Variants in DSCAM observed in about 807,000 individuals in gnomAD.
The protein encoded by DSCAM is cell adhesion molecule DSCAM.
DSCAM carries 47 observed loss-of-function variants against 217.7 expected under a neutral mutation model. The observed-to-expected ratio is 0.22, with a 90% CI of 0.17 to 0.28. The LOEUF is 0.28. Ranked by LOEUF, DSCAM falls within the 10% of genes least tolerant of loss-of-function variation. The probability of loss-of-function intolerance (pLI) is 1.00; values close to 1 mark genes in which losing one functional copy is unlikely to be tolerated. For missense variants in DSCAM, 2,080 were observed against 2,618.3 expected (o/e 0.79, Z 4.49); for synonymous variants, 1,056 against 1,015.3 (o/e 1.04, Z -0.76).
At chr21:40,690,175 T>C (rs1024348089) in intron 3 of DSCAM, among the ~76,000 whole-genome samples, 1 of 152,330 alleles carries the variant, frequency 6.6e-6, no homozygotes, top group Non-Finnish European at 1.5e-5. Context: ...TCACCTCCAG[T>C]GACTTCATGA....
intron 15 of DSCAM, among the ~76,000 whole-genome samples, chr21:40,171,770 T>C (rs563593130): frequency 2.6e-5 from 4 of 152,290 alleles, no homozygotes; most frequent in African/African-American, 9.6e-5. Context: ...TTCCCTTCTT[T>C]AAGAATTTTA....
chr21:40,256,436 GAGACAC>G (rs1380023991), intron 11 of DSCAM, among the ~76,000 whole-genome samples: 11 of 150,304 alleles, frequency 7.3e-5, no homozygotes, highest in East Asian at 3.9e-4. Flanking sequence ...GAGAGAGAGA[GAGACAC>G]ACACAGACAG....
At chr21:40,699,861 G>A (rs1165938675) in intron 2 of DSCAM, among the ~76,000 whole-genome samples, 1 of 152,188 alleles carries the variant, frequency 6.6e-6, no homozygotes, top group African/African-American at 2.4e-5. Flanking sequence ...ACTGCAGCAG[G>A]TTATCTAGAA....
chr21:40,427,783 G>T (rs2075489571), intron 3 of DSCAM, among the ~76,000 whole-genome samples: 1 of 152,234 alleles, frequency 6.6e-6, no homozygotes. Context: ...ACGGCTGCCT[G>T]CCGCATGTGG....
intron 1 of DSCAM, among the ~76,000 whole-genome samples, chr21:40,808,724 C>A (rs1428221936): frequency 6.6e-6 from 1 of 152,134 alleles, no homozygotes; most frequent in Non-Finnish European, 1.5e-5. Context: ...ATCCTCCCAC[C>A]TTGCCCTCCT....
At position 40,563,810 on chromosome 21, in the gene DSCAM, GTATA is replaced by G. The variant is rs1010050332; in HGVS notation, c.508+128996_508+128999del. ...TATATGTTTATATATAGTTATATGT[GTATA>G]TATAGTTATATGTTTATATATGTTT... On this transcript the variant is annotated intron_variant, in intron 3 of 32. Coordinates refer to ENST00000400454, the MANE Select transcript of DSCAM (RefSeq NM_001389.5). 2.0e-3 allele frequency among the ~76,000 whole-genome samples: 288 copies of G among 147,002 alleles called. 2 individuals are homozygous for G. Among genetic ancestry groups the G allele is most frequent in the African/African-American group, 6.8e-3 (269 of 39,746 alleles).
intron 2 of DSCAM, among the ~76,000 whole-genome samples, chr21:40,701,144 A>T (rs2090652421): frequency 6.6e-6 from 1 of 152,242 alleles, no homozygotes; most frequent in Non-Finnish European, 1.5e-5. Flanking sequence ...AAATTCTTTA[A>T]TAGATATAGG....
chr21:40,649,867 C>A (rs933690944), intron 3 of DSCAM, among the ~76,000 whole-genome samples: 2 of 152,184 alleles, frequency 1.3e-5, no homozygotes, highest in Non-Finnish European at 2.9e-5. Flanking sequence ...GTCAGCAGTG[C>A]CTTCTGCAAG....
At chr21:40,354,048 T>C (rs2074663921) in intron 4 of DSCAM, among the ~76,000 whole-genome samples, 1 of 152,204 alleles carries the variant, frequency 6.6e-6, no homozygotes, top group Non-Finnish European at 1.5e-5. Context: ...AATCAGATTG[T>C]CTTTTCATAA....
chr21:40,753,157 A>G (rs9977662), intron 1 of DSCAM, among the ~76,000 whole-genome samples: 122,453 of 152,116 alleles, frequency 0.8, 49,668 homozygotes, highest in African/African-American at 0.9. Context: ...TGAACATACT[A>G]TTTTATTTAT....
intron 11 of DSCAM, among the ~76,000 whole-genome samples, chr21:40,249,582 G>A (rs947583078): frequency 3.9e-5 from 6 of 152,120 alleles, no homozygotes; most frequent in African/African-American, 1.4e-4. Context: ...CAAATCATGG[G>A]AATTGTGAAG....
chr21:40,539,510 G>GAA (rs149520472), intron 3 of DSCAM, among the ~76,000 whole-genome samples: 5 of 143,972 alleles, frequency 3.5e-5, no homozygotes, highest in African/African-American at 1.3e-4. Context: ...AAAAGAAAAA[G>GAA]AAAAAAAAAA....
chr21:40,326,119 C>T (rs915780261), intron 8 of DSCAM, among the ~76,000 whole-genome samples: 5 of 151,864 alleles, frequency 3.3e-5, no homozygotes, highest in African/African-American at 7.3e-5. Context: ...CAGGGACAAA[C>T]GATACCAGAA....
chr21:40,238,258 T>C (rs1290037033), intron 11 of DSCAM, among the ~76,000 whole-genome samples: 3 of 152,200 alleles, frequency 2.0e-5, no homozygotes, highest in Non-Finnish European at 2.9e-5. Context: ...CATTCTTAGT[T>C]AGCTCTCTCA....
chr21:40,163,114 C>T (rs1362661367), intron 16 of DSCAM, among the ~76,000 whole-genome samples: 4 of 150,834 alleles, frequency 2.7e-5, no homozygotes, highest in Admixed American at 2.6e-4. Flanking sequence ...CACAAGCATG[C>T]ACACAAGTAG....
chr21:40,639,682 T>C (rs1055358101), intron 3 of DSCAM, among the ~76,000 whole-genome samples: 1 of 117,464 alleles, frequency 8.5e-6, no homozygotes, highest in Non-Finnish European at 1.9e-5. Context: ...TATGTGTATG[T>C]GTGTGCATGT....
At position 40,611,057 on chromosome 21, in the gene DSCAM, A is replaced by ATTTTTTTT. The variant is rs527262141; in HGVS notation, c.508+81745_508+81752dup. Among the ~76,000 whole-genome samples, 595 of 129,702 alleles carry ATTTTTTTT rather than the reference A, an allele frequency of 4.6e-3. 4 individuals are homozygous for ATTTTTTTT. The highest frequency in any genetic ancestry group is 0.014 in the African/African-American group (479 of 35,168). The allele number at this position is 129,702 out of a possible 152,430, so 85.1% of individuals were successfully genotyped here. On this transcript the variant is annotated intron_variant, in intron 3 of 32. Coordinates refer to ENST00000400454, the MANE Select transcript of DSCAM (RefSeq NM_001389.5). ...AAGAAACAGGTGAAATTAGTTTTCA[A>ATTTTTTTT]TTTTTTTTTTTTTTTTTTTGGGATG...
At chr21:40,101,030 C>T (rs1320403540) in intron 20 of DSCAM, among the ~76,000 whole-genome samples, 1 of 152,212 alleles carries the variant, frequency 6.6e-6, no homozygotes, top group Non-Finnish European at 1.5e-5. Flanking sequence ...TACGAAGTTG[C>T]CGCCAGGCAT....
chr21:40,765,324 C>A (rs1349163266), intron 1 of DSCAM, among the ~76,000 whole-genome samples: 1 of 151,904 alleles, frequency 6.6e-6, no homozygotes, highest in Non-Finnish European at 1.5e-5. Flanking sequence ...CCTGGCCCAG[C>A]CCCTGGCCCT....
Sources: gnomAD v4.1 joint callset for allele counts (sites outside exome capture counted in the v4.1 genomes callset) on GRCh38, gnomAD v4.1.1 for gene constraint, MANE v1.5 for transcripts, NCBI Gene and HGNC (gene_info 2026-07-23, HGNC 2026-07-21) for gene names.